The following TRAF5 variants were observed in gnomAD, a reference collection of about 807,000 sequenced individuals.
TRAF5 encodes the protein TNF receptor associated factor 5.
In TRAF5, 48 loss-of-function variants were observed where a neutral mutation model predicts 64.5. The observed-to-expected ratio is 0.74, with a 90% CI of 0.59 to 0.95. TRAF5 has a LOEUF of 0.95. TRAF5 is among the 40% of genes least tolerant of loss of function. TRAF5 has a pLI of 0.00. For missense variants in TRAF5, 545 were observed against 662.8 expected (o/e 0.82, Z 1.95); for synonymous variants, 206 against 240.5 (o/e 0.86, Z 1.33).
intron 8 of TRAF5, among the ~76,000 whole-genome samples, chr1:211,367,746 G>C (rs1703401732): frequency 6.6e-6 from 1 of 152,182 alleles, no homozygotes; most frequent in South Asian, 2.1e-4. Context: ...GTAGGTGGAA[G>C]TCAGCTCTAG....
At chr1:211,359,653 C>T in intron 4 of TRAF5, 1 of 401,302 alleles carries the variant, frequency 2.5e-6, no homozygotes, top group Non-Finnish European at 4.5e-6. Context: ...TCCCTCTTCA[C>T]CTATCTTCCC....
upstream of TRAF5, chr1:211,326,645 A>T: frequency 1.0e-6 from 1 of 976,552 alleles, no homozygotes; most frequent in Non-Finnish European, 1.2e-6. The surrounding 1 kb of genome is among the most constrained non-coding windows in gnomAD (Gnocchi z 5.0). Context: ...AGATGACTGG[A>T]CTTGTAGATA....
At chr1:211,331,543 A>G (rs901594480) in intron 1 of TRAF5, among the ~76,000 whole-genome samples, 4 of 152,178 alleles carry the variant, frequency 2.6e-5, no homozygotes, top group Non-Finnish European at 5.9e-5. Context: ...TTCTCCTTCC[A>G]TGTGGTTAAT....
intron 9 of TRAF5, among the ~76,000 whole-genome samples, chr1:211,369,947 A>G (rs577763658): frequency 6.6e-6 from 1 of 152,324 alleles, no homozygotes; most frequent in Non-Finnish European, 1.5e-5. Flanking sequence ...TTTCCTAAGA[A>G]TAAAGATCTT....
chr1:211,368,241 C>T (rs950837254), intron 8 of TRAF5, among the ~76,000 whole-genome samples: 4 of 152,036 alleles, frequency 2.6e-5, no homozygotes, highest in Admixed American at 2.6e-4. Flanking sequence ...CCAGTGTCAC[C>T]TGTAAAAGCA....
intron 3 of TRAF5, among the ~76,000 whole-genome samples, chr1:211,355,889 G>T (rs1333945322): frequency 6.6e-6 from 1 of 152,214 alleles, no homozygotes; most frequent in Non-Finnish European, 1.5e-5. Context: ...TATTGTGTAT[G>T]GAAAAGTTGA....
rs1269869206 is a variant in TRAF5 at position 211,374,308 on chromosome 1, CCTG to C, written c.*1607_*1609del. On this transcript the variant is annotated 3_prime_UTR_variant, in exon 11 of 11. Transcript: ENST00000261464. ...TACTGCTCATATGCACGCTGGCTCC[CCTG>C]GGCACGCAAGGATGAGTATGGGCCA... 2.6e-5 allele frequency: 4 copies of C among 152,876 alleles called. No individual in the cohort carries two copies. Among genetic ancestry groups the C allele is most frequent in the Non-Finnish European group, 4.4e-5 (3 of 68,070 alleles). 9.5% of individuals were successfully genotyped at this position (152,876 alleles called of 1,614,324 possible).
At chr1:211,339,236 G>T (rs1181364240) in intron 1 of TRAF5, among the ~76,000 whole-genome samples, 1 of 152,160 alleles carries the variant, frequency 6.6e-6, no homozygotes, top group Non-Finnish European at 1.5e-5. Flanking sequence ...ACTGTGTATG[G>T]TATTATATGT....
chr1:211,367,027 G>A (rs1000365133), intron 8 of TRAF5, among the ~76,000 whole-genome samples: 27 of 152,102 alleles, frequency 1.8e-4, no homozygotes, highest in Non-Finnish European at 2.5e-4. Flanking sequence ...TGTCACCCAG[G>A]CTGGAGTACA....
At chr1:211,365,640 G>T (rs1703329316) in intron 8 of TRAF5, 172 bp downstream of exon 8, 1 of 517,284 alleles carries the variant, frequency 1.9e-6, no homozygotes, top group Non-Finnish European at 3.3e-6. Flanking sequence ...ATTAGAATTG[G>T]AAGGTGCCCT....
rs541537993 is a variant in TRAF5, at chr1:211,363,374, A to G, written c.697-2002A>G. On this transcript the variant is annotated intron_variant, in intron 7 of 10. Coordinates refer to ENST00000261464, the MANE Select transcript of TRAF5 (RefSeq NM_001033910.3). ...TTATGTATTCATATTTTAGAATACTATGTAGCTGATAAAAATGAGATATAT... is the reference window on the plus strand; with the variant it reads ...TTATGTATTCATATTTTAGAATACTGTGTAGCTGATAAAAATGAGATATAT... Among the ~76,000 whole-genome samples, 39 of 152,330 alleles carry G rather than the reference A, an allele frequency of 2.6e-4. No individual in the cohort carries two copies. In the South Asian group the frequency reaches 7.0e-3, roughly 27 times the overall value.
At chr1:211,363,711 G>T (rs1269126919) in intron 7 of TRAF5, among the ~76,000 whole-genome samples, 1 of 152,120 alleles carries the variant, frequency 6.6e-6, no homozygotes, top group Non-Finnish European at 1.5e-5. Context: ...GAGCACAATT[G>T]TCCAGCTTGG....
intron 1 of TRAF5, among the ~76,000 whole-genome samples, chr1:211,349,534 A>T (rs1182803190): frequency 6.6e-6 from 1 of 152,218 alleles, no homozygotes; most frequent in Non-Finnish European, 1.5e-5. Context: ...CTCATGACTT[A>T]ATCACCTCCT....
chr1:211,340,993 G>A (rs1389321360), intron 1 of TRAF5, among the ~76,000 whole-genome samples: 1 of 152,200 alleles, frequency 6.6e-6, no homozygotes, highest in Admixed American at 6.5e-5. Flanking sequence ...CACCGCGCCT[G>A]GCCTCTTTGT....
intron 4 of TRAF5, chr1:211,359,234 G>A (rs549957565): frequency 6.6e-6 from 1 of 152,330 alleles, no homozygotes; most frequent in South Asian, 2.1e-4. Context: ...GGGATTACAA[G>A]CATGAGCCAC....
intron 7 of TRAF5, 151 bp downstream of exon 7, chr1:211,361,313 G>A: frequency 1.5e-6 from 1 of 672,450 alleles, no homozygotes; most frequent in African/African-American, 1.8e-5. Context: ...CAGAGAAACA[G>A]AACCAATGGG....
chr1:211,329,570 C>A (rs2102705487), intron 1 of TRAF5, among the ~76,000 whole-genome samples: 1 of 152,308 alleles, frequency 6.6e-6, no homozygotes, highest in Non-Finnish European at 1.5e-5. Context: ...TTCTCCAATT[C>A]CTGTGTTTTT....
At chr1:211,363,551 A>G (rs139316480) in intron 7 of TRAF5, among the ~76,000 whole-genome samples, 5 of 152,186 alleles carry the variant, frequency 3.3e-5, no homozygotes, top group East Asian at 3.8e-4. Context: ...ACATAAGCAC[A>G]TATTTCTTTT....
chr1:211,336,074 T>C (rs527617121), intron 1 of TRAF5, among the ~76,000 whole-genome samples: 1 of 152,238 alleles, frequency 6.6e-6, no homozygotes, highest in African/African-American at 2.4e-5. Flanking sequence ...AAAATCAACA[T>C]TGAACAGAGT....
Sources: gnomAD v4.1 joint callset for allele counts (sites outside exome capture counted in the v4.1 genomes callset) on GRCh38, gnomAD v4.1.1 for gene constraint, Gnocchi (gnomAD v3.1) non-coding constraint, MANE v1.5 for transcripts, NCBI Gene and HGNC (gene_info 2026-07-23, HGNC 2026-07-21) for gene names.